Variants in CDHR3 observed in about 807,000 individuals in gnomAD.
CDHR3 encodes cadherin related family member 3, also known as cadherin-related family member 3.
Under a neutral mutation model 86.6 loss-of-function variants are expected in CDHR3, and 79 were observed. That is an observed-to-expected ratio of 0.91 (90% CI 0.76 to 1.10). The LOEUF (loss-of-function observed/expected upper bound fraction) is 1.10. Ranked by LOEUF, CDHR3 falls within the 50% of genes least tolerant of loss-of-function variation. CDHR3 has a pLI of 0.00. For synonymous variants in CDHR3, 421 were observed against 402.4 expected (o/e 1.05, Z -0.55); for missense variants, 1,081 against 1,077.6 (o/e 1.00, Z -0.04).
At chr7:106,032,294 C>A in intron 18 of CDHR3, 99 bp from the exon 19 acceptor site, 2 of 1,195,268 alleles carry the variant, frequency 1.7e-6, no homozygotes, top group Non-Finnish European at 1.2e-6. Context: ...TGTGCTTCAT[C>A]TTCCCTTGGG....
intron 13 of CDHR3, among the ~76,000 whole-genome samples, chr7:106,021,275 G>A (rs1836522094): frequency 6.6e-6 from 1 of 152,136 alleles, no homozygotes; most frequent in Non-Finnish European, 1.5e-5. Context: ...ACGTGAGAGA[G>A]TAAAAATCCA....
intron 2 of CDHR3, among the ~76,000 whole-genome samples, chr7:105,977,391 T>G (rs138284934): frequency 6.6e-6 from 1 of 152,320 alleles, no homozygotes; most frequent in Non-Finnish European, 1.5e-5. Context: ...GGGCTGTTAA[T>G]CAAGGAAGAA....
intron 10 of CDHR3, 111 bp downstream of exon 10, chr7:106,015,324 C>T (rs1411061755): frequency 3.0e-5 from 26 of 877,324 alleles, no homozygotes; most frequent in Middle Eastern, 2.2e-4. Flanking sequence ...CTAGTACTGC[C>T]CTCATGCGGG....
In CDHR3 at chr7:106,036,235, C is replaced by T. The variant is rs545299245; in HGVS notation, c.*3538C>T. On this transcript the variant is annotated 3_prime_UTR_variant, in exon 19 of 19. Transcript: ENST00000317716. ...ACTGGGAAATGACACTTCTGCTCCCCAGAGCCCCCTTTCACATCTGGGGTT... is the reference window on the plus strand; with the variant it reads ...ACTGGGAAATGACACTTCTGCTCCCTAGAGCCCCCTTTCACATCTGGGGTT... 6 of 152,310 alleles carry T rather than the reference C, an allele frequency of 3.9e-5. No individual in the cohort carries two copies. In the East Asian group the frequency reaches 1.2e-3, roughly 29 times the overall value. The allele number at this position is 152,310 out of a possible 1,614,324, so 9.4% of individuals were successfully genotyped here. A position where few individuals can be genotyped will look rare whatever the true frequency, so the allele number is the denominator to read the frequency against.
At chr7:105,969,559 C>G (rs1827612778) in intron 1 of CDHR3, among the ~76,000 whole-genome samples, 1 of 152,154 alleles carries the variant, frequency 6.6e-6, no homozygotes, top group African/African-American at 2.4e-5. Context: ...GCCGTTGAGG[C>G]CAGTTATAGA....
chr7:105,966,752 A>G (rs2115588868), intron 1 of CDHR3, among the ~76,000 whole-genome samples: 1 of 152,254 alleles, frequency 6.6e-6, no homozygotes, highest in South Asian at 2.1e-4. Flanking sequence ...CCCCAGTGCA[A>G]GCAGTCAGGC....
In CDHR3 at chr7:106,004,600, A is replaced by G; in HGVS notation, c.965A>G (p.Tyr322Cys). ...SLEVLVKDRP[Y>C]GGQENRIQIT... ...GAAGTTCTAGTGAAGGACAGACCAT[A>G]TGGGGGTCAGGAGAATCGCATCCAG... is the stretch of plus-strand genomic sequence containing the variant. Residue 322 changes from tyrosine to cysteine, a missense_variant, in exon 8 of 19, where the codon TAT becomes TGT. Physicochemically the swap from Tyr to Cys is radical, Grantham distance 194. Coordinates refer to ENST00000317716, the MANE Select transcript of CDHR3 (RefSeq NM_152750.5). The G allele has an allele frequency of 6.2e-7, 1 of 1,614,026 alleles. No individual in the cohort carries two copies. Among genetic ancestry groups the G allele is most frequent in the South Asian group, 1.1e-5 (1 of 91,082 alleles).
At chr7:105,983,972 G>C (rs1380928559) in intron 3 of CDHR3, among the ~76,000 whole-genome samples, 1 of 152,152 alleles carries the variant, frequency 6.6e-6, no homozygotes, top group African/African-American at 2.4e-5. Flanking sequence ...TGAAGACTTG[G>C]TACCAGCTTG....
chr7:105,997,155 T>A (rs1411511395), intron 6 of CDHR3, among the ~76,000 whole-genome samples: 1 of 152,168 alleles, frequency 6.6e-6, no homozygotes, highest in Non-Finnish European at 1.5e-5. Flanking sequence ...CAGCACAGGA[T>A]ACTCCACCAA....
intron 13 of CDHR3, among the ~76,000 whole-genome samples, chr7:106,021,927 A>G (rs1262591729): frequency 6.6e-6 from 1 of 152,222 alleles, no homozygotes; most frequent in Non-Finnish European, 1.5e-5. Context: ...GATGGCACCT[A>G]GGCTAAGGGT....
rs149959053 is a variant in CDHR3, at chr7:105,975,436, C to A, written c.249+390C>A. 1.5e-3 allele frequency among the ~76,000 whole-genome samples: 225 copies of A among 152,224 alleles called. 1 individual carries two copies. Among genetic ancestry groups the A allele is most frequent in the Middle Eastern group, 6.8e-3 (2 of 294 alleles). ...ACTTGTGTCTAGTGATTCTGCTTTC[C>A]TATGAGTCTGATTTTTTCAGAAGAT... On this transcript the variant is annotated intron_variant, in intron 2 of 18. Coordinates refer to ENST00000317716, the MANE Select transcript of CDHR3 (RefSeq NM_152750.5).
intron 8 of CDHR3, among the ~76,000 whole-genome samples, chr7:106,009,053 C>A (rs77241502): frequency 5.3e-5 from 8 of 152,302 alleles, no homozygotes; most frequent in Non-Finnish European, 1.0e-4. Context: ...ATTCGAATAT[C>A]CTAGACTGTC....
intron 4 of CDHR3, 105 bp from the exon 5 acceptor site, chr7:105,994,646 C>A (rs955391471): frequency 1.3e-6 from 1 of 797,920 alleles, no homozygotes; most frequent in South Asian, 1.5e-5. Flanking sequence ...GCATCGAGAA[C>A]GTTCCATGGG....
chr7:105,981,978 A>G (rs1476165380), intron 3 of CDHR3, among the ~76,000 whole-genome samples: 2 of 151,988 alleles, frequency 1.3e-5, no homozygotes, highest in African/African-American at 4.8e-5. Context: ...CTGCATCACT[A>G]CCACCATGGT....
At chr7:106,003,873 T>C (rs1833554283) in intron 7 of CDHR3, among the ~76,000 whole-genome samples, 1 of 151,558 alleles carries the variant, frequency 6.6e-6, no homozygotes. Flanking sequence ...CTGTTCACTC[T>C]AGTGTTGCGA....
intron 2 of CDHR3, among the ~76,000 whole-genome samples, chr7:105,980,390 T>C (rs984439582): frequency 2.0e-5 from 3 of 151,776 alleles, no homozygotes; most frequent in Non-Finnish European, 4.4e-5. Flanking sequence ...TAGATGTGCA[T>C]GTATACAAGT....
At chr7:105,979,242 G>C (rs1336777950) in intron 2 of CDHR3, among the ~76,000 whole-genome samples, 1 of 152,156 alleles carries the variant, frequency 6.6e-6, no homozygotes, top group Non-Finnish European at 1.5e-5. Context: ...AGTCAGTCTG[G>C]CTCCAGCATC....
Position 105,981,011 on chromosome 7 carries a change from C to A in CDHR3, c.293C>A (p.Pro98Gln). ...GMEQLDFETG[P>Q]NIFDLQIYVK... ...GAACAACTAGATTTTGAAACAGGAC[C>A]AAACATATTTGATTTGCAGATTTAT... Residue 98 changes from proline (P) to glutamine (Q), a missense_variant, in exon 3 of 19, where the codon CCA (proline) becomes CAA (glutamine). Pro to Gln is a moderately conservative substitution (Grantham distance 76). Coordinates refer to ENST00000317716, the MANE Select transcript of CDHR3 (RefSeq NM_152750.5). 6.2e-7 allele frequency: 1 copy of A among 1,610,876 alleles called. No individual in the cohort carries two copies. Among genetic ancestry groups the A allele is most frequent in the Non-Finnish European group, 8.5e-7 (1 of 1,178,520 alleles).
chr7:106,026,788 C>T (rs552999789), intron 16 of CDHR3, 93 bp downstream of exon 16: 16 of 1,308,188 alleles, frequency 1.2e-5, no homozygotes, highest in South Asian at 8.3e-5. Flanking sequence ...AATCAGGCCG[C>T]GATCACATCT....
Sources: allele counts gnomAD v4.1 joint callset (sites outside exome capture counted in the v4.1 genomes callset), GRCh38; gene constraint gnomAD v4.1.1; transcripts MANE v1.5; gene names NCBI Gene and HGNC (gene_info 2026-07-23, HGNC 2026-07-21).